DYM: variants seen among roughly 807,000 people sequenced by gnomAD.
DYM encodes dyggve-Melchior-Clausen syndrome protein.
DYM carries 78 observed loss-of-function variants against 93.1 expected under a neutral mutation model. The observed-to-expected ratio is 0.84, with a 90% confidence interval of 0.70 to 1.01. The LOEUF (loss-of-function observed/expected upper bound fraction) is 1.01, where lower values mean the gene tolerates loss of function less well. DYM is among the 50% of genes least tolerant of loss of function. The pLI, the probability that DYM is intolerant of heterozygous loss-of-function variation, is 0.00. For missense variants in DYM, 789 were observed against 845.0 expected (o/e 0.93, Z 0.82); for synonymous variants, 321 against 319.7 (o/e 1.00, Z -0.04).
intron 8 of DYM, among the ~76,000 whole-genome samples, chr18:49,322,750 A>T (rs1364748477): frequency 6.6e-6 from 1 of 152,138 alleles, no homozygotes; most frequent in African/African-American, 2.4e-5. Flanking sequence ...TTTTAAAACA[A>T]AAGTTATATT....
chr18:49,157,743 G>A (rs1467005944), intron 15 of DYM, among the ~76,000 whole-genome samples: 1 of 152,014 alleles, frequency 6.6e-6, no homozygotes, highest in Non-Finnish European at 1.5e-5. Context: ...TGCATCCTTT[G>A]AAACACAAAG....
At chr18:49,263,042 C>G (rs1475104449) in intron 11 of DYM, among the ~76,000 whole-genome samples, 1 of 152,060 alleles carries the variant, frequency 6.6e-6, no homozygotes, top group East Asian at 1.9e-4. Flanking sequence ...ATTTTGAAAA[C>G]AAAAATACCT....
At chr18:49,424,006 C>T (rs1371358184) in intron 2 of DYM, among the ~76,000 whole-genome samples, 1 of 152,054 alleles carries the variant, frequency 6.6e-6, no homozygotes, top group Non-Finnish European at 1.5e-5. Context: ...GAAACTATTC[C>T]AATCAATAGA....
At chr18:49,283,345 G>C (rs1203390581) in intron 9 of DYM, among the ~76,000 whole-genome samples, 1 of 151,554 alleles carries the variant, frequency 6.6e-6, no homozygotes, top group East Asian at 1.9e-4. Context: ...ACAACTACCA[G>C]AAAACTTCTA....
intron 8 of DYM, among the ~76,000 whole-genome samples, chr18:49,318,894 G>C (rs2062233535): frequency 7.0e-6 from 1 of 142,316 alleles, no homozygotes; most frequent in Admixed American, 7.5e-5. Flanking sequence ...TCCGCCCTCT[G>C]AGTTCAAGCA....
chr18:49,276,485 C>T (rs1255605049), intron 10 of DYM, among the ~76,000 whole-genome samples: 1 of 151,896 alleles, frequency 6.6e-6, no homozygotes, highest in African/African-American at 2.4e-5. Context: ...ACTATCTAAA[C>T]TGAGATCTGA....
Position 49,163,855 on chromosome 18 carries a change from A to G in DYM, c.1626-68T>C. ...TTTCTTTTCTGTCTTCTGTGGAAAT[A>G]TATAGTTCCACAGCATGTCAATTAT... is the stretch of plus-strand genomic sequence containing the variant. On this transcript the variant is annotated intron_variant, in intron 14 of 17. Coordinates refer to ENST00000675505, the MANE Select transcript of DYM (RefSeq NM_001353214.3). 3 of 995,052 alleles carry G rather than the reference A, an allele frequency of 3.0e-6. 1 individual carries two copies. The highest frequency in any genetic ancestry group is 4.7e-6 in the Non-Finnish European group (3 of 643,190). 61.6% of individuals were successfully genotyped at this position (995,052 alleles called of 1,614,324 possible).
chr18:49,423,827 C>A (rs549994452), intron 2 of DYM, among the ~76,000 whole-genome samples: 1 of 152,150 alleles, frequency 6.6e-6, no homozygotes, highest in South Asian at 2.1e-4. Flanking sequence ...GACACATACA[C>A]CCTCCCAAGA....
intron 13 of DYM, among the ~76,000 whole-genome samples, chr18:49,216,470 T>TGACCCCC (rs1274799595): frequency 4.5e-4 from 69 of 152,326 alleles, no homozygotes; most frequent in Admixed American, 4.4e-3. Flanking sequence ...CCCTGACCCC[T>TGACCCCC]GACCCCCGAG....
At chr18:49,080,258 G>A (rs996361804) in intron 17 of DYM, among the ~76,000 whole-genome samples, 2 of 122,996 alleles carry the variant, frequency 1.6e-5, no homozygotes, top group Non-Finnish European at 3.6e-5. Context: ...GGGCAGAGGG[G>A]CTCCTCACTT....
chr18:49,321,265 AG>A, intron 8 of DYM: 1 of 397,646 alleles, frequency 2.5e-6, no homozygotes, highest in Non-Finnish European at 4.4e-6. Context: ...AACTTATCCC[AG>A]GATTTCATCT....
Position 49,209,631 on chromosome 18 carries a change from AT to A in DYM, c.1544del (p.His515LeufsTer16). Reference sequence around the variant, plus strand: ...CATTGTCACTGAGGGTCGAGAAGCAATGCTGAAGCGTAGAACAGTGAGAGTG... The same window carrying A: ...CATTGTCACTGAGGGTCGAGAAGCAAGCTGAAGCGTAGAACAGTGAGAGTG... ...FPHSHCSTLQ[H>X]CFSTLSDNGE... is the part of the protein sequence containing the mutation. On this transcript the variant is annotated frameshift_variant, in exon 14 of 18. Transcript: ENST00000675505. LOFTEE classifies it high-confidence loss of function. The A allele has an allele frequency of 1.6e-6, 2 of 1,289,818 alleles. No homozygotes were observed. The highest frequency in any genetic ancestry group is 1.0e-6 in the Non-Finnish European group (1 of 988,854). 79.9% of individuals were successfully genotyped at this position (1,289,818 alleles called of 1,614,324 possible). A position where few individuals can be genotyped will look rare whatever the true frequency, so the allele number is the denominator to read the frequency against.
chr18:49,087,876 T>C (rs1267158795), intron 17 of DYM, among the ~76,000 whole-genome samples: 1 of 152,198 alleles, frequency 6.6e-6, no homozygotes, highest in Non-Finnish European at 1.5e-5. Flanking sequence ...CCAGTGATGA[T>C]GAGCATTTTT....
chr18:49,242,349 G>A (rs11663123), intron 13 of DYM, among the ~76,000 whole-genome samples: 1 of 152,178 alleles, frequency 6.6e-6, no homozygotes. Context: ...GGGAGGCGGA[G>A]GTTGCACTGA....
chr18:49,393,101 GAAGGAAGGAAGGA>G, intron 2 of DYM, among the ~76,000 whole-genome samples: 1 of 2,620 alleles, frequency 3.8e-4, no homozygotes, highest in Non-Finnish European at 1.1e-3. Context: ...GGGAAGGAAG[GAAGGAAGGAAGGA>G]AGGAAGGAAG....
At chr18:49,305,390 C>A (rs2061213847) in intron 8 of DYM, among the ~76,000 whole-genome samples, 1 of 152,194 alleles carries the variant, frequency 6.6e-6, no homozygotes, top group African/African-American at 2.4e-5. Flanking sequence ...ACTACATTGA[C>A]CTAGTCCCTG....
chr18:49,283,223 T>C (rs1266124525), intron 9 of DYM, among the ~76,000 whole-genome samples: 1 of 152,172 alleles, frequency 6.6e-6, no homozygotes, highest in Non-Finnish European at 1.5e-5. Flanking sequence ...ATTTATATTG[T>C]TTTTGCACAT....
chr18:49,331,780 G>T (rs1446255132), intron 8 of DYM, 84 bp downstream of exon 8: 8 of 1,440,686 alleles, frequency 5.6e-6, no homozygotes, highest in African/African-American at 4.2e-5. Flanking sequence ...ATTAATGGTG[G>T]CAGCCAAGCA....
chr18:49,155,189 T>C (rs2086259185), intron 15 of DYM, among the ~76,000 whole-genome samples: 1 of 152,246 alleles, frequency 6.6e-6, no homozygotes, highest in Non-Finnish European at 1.5e-5. Flanking sequence ...TCGCAGTTTC[T>C]AAAGTCAAAT....
Sources: allele counts gnomAD v4.1 joint callset (sites outside exome capture counted in the v4.1 genomes callset), GRCh38; gene constraint gnomAD v4.1.1; transcripts MANE v1.5; gene names NCBI Gene and HGNC (gene_info 2026-07-23, HGNC 2026-07-21).